CACNB1: variants seen among roughly 807,000 people sequenced by gnomAD.
The protein encoded by CACNB1 is calcium voltage-gated channel auxiliary subunit beta 1, also known as voltage-dependent L-type calcium channel subunit beta-1.
In CACNB1, 29 loss-of-function variants were observed where a neutral mutation model predicts 71.6. The ratio of observed to expected loss-of-function variants is 0.40; its 90% CI spans 0.30 to 0.55. The LOEUF (loss-of-function observed/expected upper bound fraction) is 0.55. CACNB1 is among the 20% of genes least tolerant of loss of function. The pLI is 0.38. For synonymous variants in CACNB1, 300 were observed against 319.6 expected (o/e 0.94, Z 0.65); for missense variants, 623 against 801.8 (o/e 0.78, Z 2.69).
chr17:39,192,949 C>G (rs2046116596), intron 2 of CACNB1: 1 of 152,812 alleles, frequency 6.5e-6, no homozygotes. Flanking sequence ...CGTAGCTCCC[C>G]CTCTCCCCCC....
At chr17:39,197,212 CT>C (rs2067967352) in intron 1 of CACNB1, among the ~76,000 whole-genome samples, 199 bp downstream of exon 1, 2 of 152,252 alleles carry the variant, frequency 1.3e-5, no homozygotes, top group African/African-American at 2.4e-5. Flanking sequence ...CACCCGCCCC[CT>C]CCCCGCTCCG....
chr17:39,187,214 TA>T, intron 4 of CACNB1: 1 of 598,788 alleles, frequency 1.7e-6, no homozygotes. Flanking sequence ...GCCGCTGGAG[TA>T]AATGCGGATA....
chr17:39,176,684 T>G (rs1275983657), intron 13 of CACNB1, among the ~76,000 whole-genome samples: 1 of 152,222 alleles, frequency 6.6e-6, no homozygotes, highest in Non-Finnish European at 1.5e-5. Flanking sequence ...CTTCTGGCTC[T>G]TAAGACCTTA....
At chr17:39,195,106 CT>C in intron 1 of CACNB1, 136 bp from the exon 2 acceptor site, 1 of 623,404 alleles carries the variant, frequency 1.6e-6, no homozygotes, top group South Asian at 2.0e-5. Context: ...CACATTCCTC[CT>C]GAGGTGGTAC....
intron 12 of CACNB1, 26 bp from the exon 13 acceptor site, chr17:39,177,561 G>A: frequency 6.4e-7 from 1 of 1,559,382 alleles, no homozygotes; most frequent in East Asian, 2.3e-5. Flanking sequence ...TAGGGGGCAG[G>A]GCTGGGATGA....
intron 2 of CACNB1, chr17:39,192,103 G>C (rs960613508): frequency 5.9e-6 from 1 of 168,902 alleles, no homozygotes; most frequent in African/African-American, 2.4e-5. Context: ...TTCTGTTCAA[G>C]GGTAGAGGGA....
chr17:39,191,946 C>A (rs2046090913), intron 2 of CACNB1: 1 of 297,608 alleles, frequency 3.4e-6, no homozygotes. Context: ...CCCTCCCCTG[C>A]CCCCAGCACC....
chr17:39,178,518 T>C (rs1435586080), intron 11 of CACNB1, among the ~76,000 whole-genome samples: 2 of 152,024 alleles, frequency 1.3e-5, no homozygotes, highest in African/African-American at 4.8e-5. Flanking sequence ...TAACTAGGGC[T>C]ACAGGCACGT....
At chr17:39,179,399 C>T (rs533651448) in intron 11 of CACNB1, among the ~76,000 whole-genome samples, 2 of 150,532 alleles carry the variant, frequency 1.3e-5, no homozygotes, top group African/African-American at 4.9e-5. Context: ...CCATCCTGGC[C>T]AACATAGTGA....
In CACNB1 at chr17:39,177,043, T is replaced by C. The variant is rs1475194613; in HGVS notation, c.1332+307A>G. On this transcript the variant is annotated intron_variant, in intron 13 of 13. Coordinates refer to ENST00000394303, the MANE Select transcript of CACNB1 (RefSeq NM_000723.5). Reference sequence around the variant, plus strand: ...AAAAGCGCTCCCATCAGGCCTCATATCCAGCGGGCAGCAGATGCGCTCCTA... The same window carrying C: ...AAAAGCGCTCCCATCAGGCCTCATACCCAGCGGGCAGCAGATGCGCTCCTA... 19 of 1,224,590 alleles carry C rather than the reference T, an allele frequency of 1.6e-5. No individual in the cohort carries two copies. The East Asian group carries it at 5.2e-4, about 33-fold the overall frequency. The allele number at this position is 1,224,590 out of a possible 1,614,324, so 75.9% of individuals were successfully genotyped here. A position where few individuals can be genotyped will look rare whatever the true frequency, so the allele number is the denominator to read the frequency against.
In CACNB1 at chr17:39,185,917, C is replaced by T. The variant is rs575581981; in HGVS notation, c.628+579G>A. ...TCCACCAAAGTGCTGGCCCTGACTC[C>T]CCCACCTCTTGCAAGAACACAGCGA... is the stretch of plus-strand genomic sequence containing the variant. On this transcript the variant is annotated intron_variant, in intron 6 of 13. Transcript: ENST00000394303. 38 of 1,599,410 alleles carry T rather than the reference C, an allele frequency of 2.4e-5. No individual in the cohort carries two copies. The South Asian group carries it at 4.1e-4, about 17-fold the overall frequency.
chr17:39,192,371 A>G (rs1201065193), intron 2 of CACNB1: 1 of 152,376 alleles, frequency 6.6e-6, no homozygotes, highest in Non-Finnish European at 1.5e-5. Context: ...GGATGCACAC[A>G]TATGTGTAAG....
rs114885594 is a variant in CACNB1 at position 39,186,641 on chromosome 17, A to G, written c.552-69T>C. On this transcript the variant is annotated intron_variant, in intron 5 of 13. Transcript: ENST00000394303. The surrounding 1 kb of genome is among the most constrained non-coding windows in gnomAD (Gnocchi z 4.1). ...GCGTGGGGGGCTCTCATCCTCTCAC[A>G]TGCGGCACCCCCGGAGGTGCTCCAG... 1,036 of 1,516,298 alleles carry G rather than the reference A, an allele frequency of 6.8e-4. 12 individuals carry two copies. In the African/African-American group the frequency reaches 0.013, roughly 19 times the overall value. 93.9% of individuals were successfully genotyped at this position (1,516,298 alleles called of 1,614,324 possible). A position where few individuals can be genotyped will look rare whatever the true frequency, so the allele number is the denominator to read the frequency against.
chr17:39,191,354 G>T, intron 3 of CACNB1, 120 bp downstream of exon 3: 1 of 942,834 alleles, frequency 1.1e-6, no homozygotes, highest in Non-Finnish European at 1.6e-6. Flanking sequence ...GAGGAGCAAG[G>T]TTCAGGGGTA....
chr17:39,197,459 G>A lies in CACNB1; in HGVS notation c.37C>T (p.Pro13Ser). The change falls in exon 1 of 14, where the codon CCA (proline) becomes TCA (serine). Residue 13 changes from proline (P) to serine (S), a missense_variant. Transcript: ENST00000394303. The stretch of plus-strand genomic sequence containing the variant: ...TCCATGGGGATCTCCTGGGAGGGTG[G>A]GTAAGGGCCCCGGGACATGCTGGTC... ...QKTSMSRGPY[P>S]PSQEIPMEVF... The A allele has an allele frequency of 6.7e-7, 1 of 1,486,056 alleles. No individual in the cohort carries two copies. The highest frequency in any genetic ancestry group is 2.8e-5 in the Admixed American group (1 of 36,212). 92.1% of individuals were successfully genotyped at this position (1,486,056 alleles called of 1,614,324 possible). A position where few individuals can be genotyped will look rare whatever the true frequency, so the allele number is the denominator to read the frequency against.
In CACNB1 at chr17:39,183,740, A is replaced by C. The variant is rs1360573469; in HGVS notation, c.1023T>G (p.Ile341Met). The part of the protein sequence containing the change: ...QLSKTSLAPI[I>M]VYIKITSPKV... ...TGGGAGAGGTGATCTTGATGTAAACAATGATGGGGGCCAGCGAGGTCTTGG... is the reference window on the plus strand; with the variant it reads ...TGGGAGAGGTGATCTTGATGTAAACCATGATGGGGGCCAGCGAGGTCTTGG... Residue 341 changes from isoleucine to methionine, a missense_variant, in exon 11 of 14, where the codon ATT becomes ATG. Transcript: ENST00000394303. 1 of 1,610,850 alleles carries C rather than the reference A, an allele frequency of 6.2e-7. No homozygotes were observed. Among genetic ancestry groups the C allele is most frequent in the Non-Finnish European group, 8.5e-7 (1 of 1,178,468 alleles).
In CACNB1 at chr17:39,175,151, CTGG is replaced by C. The variant is rs752649379; in HGVS notation, c.*39_*41del. On this transcript the variant is annotated 3_prime_UTR_variant, in exon 14 of 14. Transcript: ENST00000394303. The surrounding 1 kb of genome is among the most constrained non-coding windows in gnomAD (Gnocchi z 4.7). ...TGAGCCCCTCGCTCCCTCCCCTCCC[CTGG>C]GCTCAGAGCCCTTCCTCCCGCCGTG... The C allele has an allele frequency of 1.3e-6, 2 of 1,515,258 alleles. No individual in the cohort carries two copies. Among genetic ancestry groups the C allele is most frequent in the Non-Finnish European group, 1.8e-6 (2 of 1,108,974 alleles). 93.9% of individuals were successfully genotyped at this position (1,515,258 alleles called of 1,614,324 possible).
intron 11 of CACNB1, among the ~76,000 whole-genome samples, chr17:39,179,264 G>A (rs1426704351): frequency 8.5e-6 from 1 of 117,280 alleles, no homozygotes; most frequent in Non-Finnish European, 1.6e-5. Context: ...TTGGACAACA[G>A]AGCAAGACTC....
In CACNB1 at chr17:39,175,095, G is replaced by C; in HGVS notation, c.*98C>G. 2 of 997,916 alleles carry C rather than the reference G, an allele frequency of 2.0e-6. No individual in the cohort carries two copies. The highest frequency in any genetic ancestry group is 2.4e-5 in the East Asian group (1 of 41,750). The allele number at this position is 997,916 out of a possible 1,614,324, so 61.8% of individuals were successfully genotyped here. A position where few individuals can be genotyped will look rare whatever the true frequency, so the allele number is the denominator to read the frequency against. ...AAAGGCATCTGAAAGGAGGGAGACA[G>C]CGCCCCCTGGAGGCGAATACATGTC... On this transcript the variant is annotated 3_prime_UTR_variant, in exon 14 of 14. Coordinates refer to ENST00000394303, the MANE Select transcript of CACNB1 (RefSeq NM_000723.5). The surrounding 1 kb of genome is among the most constrained non-coding windows in gnomAD (Gnocchi z 4.7).
Sources: allele counts gnomAD v4.1 joint callset (sites outside exome capture counted in the v4.1 genomes callset), GRCh38; gene constraint gnomAD v4.1.1; non-coding constraint Gnocchi (gnomAD v3.1); transcripts MANE v1.5; gene names NCBI Gene and HGNC (gene_info 2026-07-23, HGNC 2026-07-21).